SPATS1: variants seen among roughly 807,000 people sequenced by gnomAD.
SPATS1 encodes spermatogenesis-associated serine-rich protein 1.
A neutral mutation model predicts 33.6 loss-of-function variants in SPATS1; 23 were observed. The observed-to-expected ratio is 0.68, with a 90% confidence interval of 0.49 to 0.97. The LOEUF is 0.97. SPATS1 is among the 50% of genes least tolerant of loss of function. The pLI is 0.00. For missense variants in SPATS1, 327 were observed against 361.0 expected, an observed-to-expected ratio of 0.91 and a Z score of 0.76; for synonymous variants, 131 against 125.6, an observed-to-expected ratio of 1.04 and a Z score of -0.29.
intron 2 of SPATS1, among the ~76,000 whole-genome samples, chr6:44,349,177 T>C (rs1484116687): frequency 2.0e-5 from 3 of 149,096 alleles, no homozygotes; most frequent in Non-Finnish European, 4.4e-5. Flanking sequence ...CATGCACCTG[T>C]AATCCCAGCT....
At chr6:44,358,788 G>C (rs925765902) in intron 3 of SPATS1, among the ~76,000 whole-genome samples, 2 of 152,104 alleles carry the variant, frequency 1.3e-5, no homozygotes, top group Non-Finnish European at 2.9e-5. Flanking sequence ...GCCTATTTCA[G>C]ACATGTAATA....
chr6:44,359,116 A>G (rs987155475), intron 3 of SPATS1, among the ~76,000 whole-genome samples: 5 of 152,012 alleles, frequency 3.3e-5, no homozygotes, highest in Admixed American at 2.6e-4. Flanking sequence ...GTGCACCACC[A>G]CACCTGGCTA....
At chr6:44,365,717 G>T (rs1027772010) in intron 5 of SPATS1, among the ~76,000 whole-genome samples, 1 of 152,200 alleles carries the variant, frequency 6.6e-6, no homozygotes, top group East Asian at 1.9e-4. Context: ...TGAAATGTGG[G>T]GCAGAGTAAG....
chr6:44,351,339 T>C (rs1260221144), intron 2 of SPATS1, among the ~76,000 whole-genome samples: 6 of 152,150 alleles, frequency 3.9e-5, no homozygotes, highest in Non-Finnish European at 8.8e-5. Flanking sequence ...TGAGCATCTT[T>C]GGATTTTTGT....
intron 8 of SPATS1, 55 bp from the exon 9 acceptor site, chr6:44,376,980 G>A: frequency 6.2e-7 from 1 of 1,606,964 alleles, no homozygotes; most frequent in African/African-American, 1.3e-5. Flanking sequence ...TATTGATTGA[G>A]AATTGTTAGT....
chr6:44,345,191 T>A (rs1018559499), intron 2 of SPATS1, among the ~76,000 whole-genome samples: 5 of 152,114 alleles, frequency 3.3e-5, no homozygotes, highest in Admixed American at 3.3e-4. Flanking sequence ...GGAGGCATCT[T>A]GAGAACATGT....
At chr6:44,372,028 C>A (rs954205314) in intron 7 of SPATS1, among the ~76,000 whole-genome samples, 1 of 151,162 alleles carries the variant, frequency 6.6e-6, no homozygotes, top group Non-Finnish European at 1.5e-5. Context: ...GAGGCCGAGG[C>A]AGGCAGATTG....
intron 4 of SPATS1, chr6:44,361,423 C>T: frequency 1.0e-6 from 1 of 985,384 alleles, no homozygotes; most frequent in Non-Finnish European, 1.2e-6. Flanking sequence ...CTTGAGGTGC[C>T]ATGTGGATGG....
chr6:44,345,359 C>A (rs570539913), intron 2 of SPATS1, among the ~76,000 whole-genome samples: 185 of 152,224 alleles, frequency 1.2e-3, no homozygotes, highest in Non-Finnish European at 2.1e-3. Flanking sequence ...GGCCACAGGC[C>A]ACTTTCTAGA....
chr6:44,357,065 A>G (rs567136582), intron 3 of SPATS1, among the ~76,000 whole-genome samples: 122 of 152,292 alleles, frequency 8.0e-4, no homozygotes, highest in African/African-American at 2.7e-3. Flanking sequence ...ATGATATTCC[A>G]TTAAAGCTTG....
intron 7 of SPATS1, among the ~76,000 whole-genome samples, chr6:44,375,491 G>C (rs1789879519): frequency 2.0e-5 from 3 of 152,182 alleles, no homozygotes; most frequent in Admixed American, 6.5e-5. Flanking sequence ...TCTCCTATCG[G>C]TGCCATCAGC....
At chr6:44,357,739 G>A (rs1327394360) in intron 3 of SPATS1, among the ~76,000 whole-genome samples, 1 of 152,100 alleles carries the variant, frequency 6.6e-6, no homozygotes, top group African/African-American at 2.4e-5. Context: ...TTCCCCGGCT[G>A]GTCTCGAACT....
intron 2 of SPATS1, among the ~76,000 whole-genome samples, chr6:44,348,603 A>T (rs1788042571): frequency 6.6e-6 from 1 of 152,196 alleles, no homozygotes; most frequent in South Asian, 2.1e-4. Context: ...GCCCAGCAGC[A>T]GGTAGGATGT....
chr6:44,359,012 A>G (rs1395418510), intron 3 of SPATS1, among the ~76,000 whole-genome samples: 1 of 151,572 alleles, frequency 6.6e-6, no homozygotes, highest in African/African-American at 2.4e-5. Context: ...GCAGTGGCAT[A>G]GTCACTGCTC....
intron 3 of SPATS1, among the ~76,000 whole-genome samples, chr6:44,359,678 T>C (rs917037659): frequency 4.6e-5 from 7 of 152,146 alleles, no homozygotes; most frequent in African/African-American, 1.7e-4. Context: ...TAAGCAATTC[T>C]CCTGCCTCAG....
intron 2 of SPATS1, 76 bp from the exon 3 acceptor site, chr6:44,352,650 T>A: frequency 1.4e-6 from 2 of 1,400,434 alleles, no homozygotes; most frequent in Non-Finnish European, 2.0e-6. Context: ...AAAAATTTAT[T>A]TATAATCTAG....
chr6:44,375,741 C>T (rs1355829069), intron 7 of SPATS1, among the ~76,000 whole-genome samples: 5 of 151,556 alleles, frequency 3.3e-5, no homozygotes, highest in East Asian at 1.9e-4. Context: ...ACCCGGGAGG[C>T]GGAGGTTGCA....
intron 3 of SPATS1, among the ~76,000 whole-genome samples, chr6:44,359,064 G>A (rs1195207123): frequency 1.3e-5 from 2 of 151,858 alleles, no homozygotes; most frequent in African/African-American, 2.4e-5. Context: ...GAGGTGGAGT[G>A]ATCCTTCCAC....
chr6:44,347,693 A>G (rs1787981359), intron 2 of SPATS1, among the ~76,000 whole-genome samples: 1 of 152,174 alleles, frequency 6.6e-6, no homozygotes, highest in Admixed American at 6.5e-5. Context: ...TTTATTCCAA[A>G]TGGTTAATTA....
Sources: allele counts gnomAD v4.1 joint callset (sites outside exome capture counted in the v4.1 genomes callset), GRCh38; gene constraint gnomAD v4.1.1; transcripts MANE v1.5; gene names NCBI Gene and HGNC (gene_info 2026-07-23, HGNC 2026-07-21).